SOCS6: variants seen among roughly 807,000 people sequenced by gnomAD.
SOCS6 encodes suppressor of cytokine signaling 6, also known as STAT induced STAT inhibitor-4.
In SOCS6, 5 loss-of-function variants were observed where a neutral mutation model predicts 27.7. The observed-to-expected ratio is 0.18, with a 90% CI of 0.09 to 0.38. The LOEUF (loss-of-function observed/expected upper bound fraction) is 0.38. Among genes scored for constraint, SOCS6 ranks in the 10% least tolerant of loss-of-function variants. The probability of loss-of-function intolerance (pLI) is 1.00; values close to 1 mark genes in which losing one functional copy is unlikely to be tolerated. For synonymous variants in SOCS6, 271 were observed against 260.0 expected, an observed-to-expected ratio of 1.04 and a Z score of -0.41; for missense variants, 595 against 688.1, an observed-to-expected ratio of 0.86 and a Z score of 1.51.
chr18:70,314,094 G>A (rs1366268116), intron 1 of SOCS6: 1 of 151,786 alleles, frequency 6.6e-6, no homozygotes, highest in Non-Finnish European at 1.5e-5. Flanking sequence ...TAAAATTATA[G>A]AATCCACAAA....
At chr18:70,318,234 T>C (rs1910840168) in intron 1 of SOCS6, among the ~76,000 whole-genome samples, 1 of 152,180 alleles carries the variant, frequency 6.6e-6, no homozygotes, top group Non-Finnish European at 1.5e-5. Context: ...CAGAAAACAT[T>C]TTTAGCCACC....
intron 1 of SOCS6, among the ~76,000 whole-genome samples, chr18:70,314,733 C>G (rs2062404730): frequency 6.6e-6 from 1 of 152,086 alleles, no homozygotes; most frequent in South Asian, 2.1e-4. Context: ...TTGTCCTCTC[C>G]TTTCCAATAT....
At chr18:70,307,314 A>G (rs1489043502) in intron 1 of SOCS6, among the ~76,000 whole-genome samples, 5 of 152,188 alleles carry the variant, frequency 3.3e-5, no homozygotes, top group South Asian at 2.1e-4. Flanking sequence ...ATTGATTTGT[A>G]GTTTTCTTGT....
Position 70,327,115 on chromosome 18 carries a change from C to T in SOCS6, c.*839C>T, listed in dbSNP as rs1600173008. The T allele has an allele frequency of 6.0e-6, 1 of 167,038 alleles. No homozygotes were observed. Among genetic ancestry groups the T allele is most frequent in the East Asian group, 1.9e-4 (1 of 5,186 alleles). The allele number at this position is 167,038 out of a possible 1,614,324, so 10.3% of individuals were successfully genotyped here. A position where few individuals can be genotyped will look rare whatever the true frequency, so the allele number is the denominator to read the frequency against. The stretch of plus-strand genomic sequence containing the variant: ...TATTATTAAAGAAATATTAGATGAT[C>T]ATAGCTTCCTGTGATAGCATTTTTT... On this transcript the variant is annotated 3_prime_UTR_variant, in exon 2 of 2. Transcript: ENST00000397942.
chr18:70,317,480 A>G (rs1163568127), intron 1 of SOCS6, among the ~76,000 whole-genome samples: 1 of 138,564 alleles, frequency 7.2e-6, no homozygotes. Context: ...ACACATATAT[A>G]CATACATATA....
chr18:70,296,975 T>C (rs530154293), intron 1 of SOCS6, among the ~76,000 whole-genome samples: 1 of 76,522 alleles, frequency 1.3e-5, no homozygotes, highest in Non-Finnish European at 3.2e-5. Flanking sequence ...CTACTTATTT[T>C]CTTAGCTTTT....
chr18:70,318,270 A>G (rs937082777), intron 1 of SOCS6, among the ~76,000 whole-genome samples: 4 of 152,136 alleles, frequency 2.6e-5, no homozygotes, highest in Non-Finnish European at 4.4e-5. Flanking sequence ...TTTCTAAATC[A>G]ATTTGCACTA....
intron 1 of SOCS6, chr18:70,296,480 A>G (rs903639371): frequency 6.6e-6 from 1 of 152,244 alleles, no homozygotes; most frequent in South Asian, 2.1e-4. Context: ...TGCAGGTCGC[A>G]CGCTGGTCAC....
intron 1 of SOCS6, among the ~76,000 whole-genome samples, chr18:70,293,859 G>A (rs1395852697): frequency 2.0e-5 from 3 of 152,200 alleles, no homozygotes; most frequent in Non-Finnish European, 4.4e-5. Flanking sequence ...TTGCGGGGCT[G>A]AGGCGGGTGG....
intron 1 of SOCS6, among the ~76,000 whole-genome samples, chr18:70,292,425 C>T (rs895484707): frequency 6.6e-5 from 10 of 152,250 alleles, no homozygotes; most frequent in African/African-American, 1.7e-4. Context: ...ACTGCAGCCT[C>T]GACCTCCCAG....
chr18:70,325,157 C>G lies in SOCS6; in HGVS notation c.489C>G (p.Ser163Arg). 1 of 1,614,162 alleles carries G rather than the reference C, an allele frequency of 6.2e-7. No homozygotes were observed. Among genetic ancestry groups the G allele is most frequent in the Non-Finnish European group, 8.5e-7 (1 of 1,180,016 alleles). Residue 163 changes from serine to arginine, a missense_variant, in exon 2 of 2, where the codon AGC (serine) becomes AGG (arginine). Transcript: ENST00000397942. This position sits in a 1 kb window ranked among gnomAD's most constrained non-coding sequence, Gnocchi z 6.3. ...VRVKALVHSS[S>R]PSPALNGVRK... ...TCAAGGCCTTGGTTCACTCTTCCAG[C>G]CCGAGTCCAGCCCTGAATGGCGTCC...
intron 1 of SOCS6, among the ~76,000 whole-genome samples, chr18:70,317,030 T>C (rs1600163687): frequency 6.6e-6 from 1 of 152,166 alleles, no homozygotes; most frequent in East Asian, 1.9e-4. Flanking sequence ...CAAGGTAGCA[T>C]AGTGGAATTT....
chr18:70,302,407 C>T (rs1192174877), intron 1 of SOCS6, among the ~76,000 whole-genome samples: 2 of 151,992 alleles, frequency 1.3e-5, no homozygotes, highest in African/African-American at 4.8e-5. Context: ...AAGAATGGAC[C>T]AGGGAAAAGT....
At chr18:70,310,551 G>A (rs1316809547) in intron 1 of SOCS6, among the ~76,000 whole-genome samples, 1 of 143,250 alleles carries the variant, frequency 7.0e-6, no homozygotes, top group Admixed American at 7.4e-5. Context: ...CAAGCAGTCT[G>A]CACACCTCGG....
At chr18:70,301,570 T>A (rs141944491) in intron 1 of SOCS6, among the ~76,000 whole-genome samples, 1 of 152,102 alleles carries the variant, frequency 6.6e-6, no homozygotes. Flanking sequence ...TTTGAACTTG[T>A]GAAGTTTCAG....
At chr18:70,301,881 CCT>C (rs1167120370) in intron 1 of SOCS6, among the ~76,000 whole-genome samples, 3 of 152,102 alleles carry the variant, frequency 2.0e-5, no homozygotes, top group African/African-American at 7.2e-5. Context: ...ACACACAGTG[CCT>C]CTAAGATTAG....
intron 1 of SOCS6, among the ~76,000 whole-genome samples, chr18:70,303,103 A>T (rs547184862): frequency 6.6e-6 from 1 of 152,334 alleles, no homozygotes; most frequent in South Asian, 2.1e-4. Flanking sequence ...TCTGCCATCC[A>T]GTTAACAGTT....
chr18:70,299,193 C>T (rs2062337471), intron 1 of SOCS6, among the ~76,000 whole-genome samples: 1 of 152,126 alleles, frequency 6.6e-6, no homozygotes, highest in South Asian at 2.1e-4. Flanking sequence ...AGTACAGTCC[C>T]CACAGGCAAC....
rs1181097671 is a variant in SOCS6, at chr18:70,324,542, GAA to G, written c.-124_-123del. The G allele has an allele frequency of 2.4e-5, 15 of 635,304 alleles. No homozygotes were observed. The highest frequency in any genetic ancestry group is 2.9e-5 in the Non-Finnish European group (11 of 378,264). 39.4% of individuals were successfully genotyped at this position (635,304 alleles called of 1,614,324 possible). ...ACTCTTTTTATATTTTTATTTTTTAGAAAATGGCTCCAAAGGTTAAATGAAGC... is the reference window on the plus strand; with the variant it reads ...ACTCTTTTTATATTTTTATTTTTTAGAATGGCTCCAAAGGTTAAATGAAGC... On this transcript the variant is annotated splice_region_variant and 5_prime_UTR_variant, in exon 2 of 2. Transcript: ENST00000397942.
Sources: gnomAD v4.1 joint callset for allele counts (sites outside exome capture counted in the v4.1 genomes callset) on GRCh38, gnomAD v4.1.1 for gene constraint, Gnocchi (gnomAD v3.1) non-coding constraint, MANE v1.5 for transcripts, NCBI Gene and HGNC (gene_info 2026-07-23, HGNC 2026-07-21) for gene names.